Variants in AUTS2 observed in about 807,000 individuals in gnomAD.
AUTS2 encodes the protein activator of transcription and developmental regulator AUTS2.
In AUTS2, 17 loss-of-function variants were observed where a neutral mutation model predicts 112.4. That is an observed-to-expected ratio of 0.15 (90% CI 0.10 to 0.23). AUTS2 has a LOEUF of 0.23. Ranked by LOEUF, AUTS2 falls within the 10% of genes least tolerant of loss-of-function variation. AUTS2 has a pLI of 1.00. For synonymous variants in AUTS2, 751 were observed against 702.7 expected (o/e 1.07, Z -1.09); for missense variants, 1,510 against 1,701.6 (o/e 0.89, Z 1.98).
chr7:69,874,244 G>T (rs1381343766), intron 1 of AUTS2, among the ~76,000 whole-genome samples: 1 of 151,986 alleles, frequency 6.6e-6, no homozygotes, highest in Non-Finnish European at 1.5e-5. Flanking sequence ...AAGAACAAGA[G>T]ACGTGAAGAC....
At chr7:70,203,909 A>G in intron 4 of AUTS2, among the ~76,000 whole-genome samples, 1 of 151,890 alleles carries the variant, frequency 6.6e-6, no homozygotes, top group Non-Finnish European at 1.5e-5. Flanking sequence ...CGTGATCGAG[A>G]ATTATGTTTT....
At chr7:69,926,429 ATCTG>A (rs202099756) in intron 2 of AUTS2, among the ~76,000 whole-genome samples, 3,280 of 139,438 alleles carry the variant, frequency 0.024, 59 homozygotes, top group African/African-American at 0.049. Flanking sequence ...TCTGAAATCT[ATCTG>A]TCTGTCTGTC....
Position 70,784,540 on chromosome 7 carries a change from A to G in AUTS2, c.2147-402A>G, listed in dbSNP as rs1791303712. On this transcript the variant is annotated intron_variant, in intron 15 of 18. Coordinates refer to ENST00000342771, the MANE Select transcript of AUTS2 (RefSeq NM_015570.4). Reference sequence around the variant, plus strand: ...TAATGGCTCTAAGAAGCCCTTCAGTAAAGAAACTTGCTTAGCTTTTTTTAA... The same window carrying G: ...TAATGGCTCTAAGAAGCCCTTCAGTGAAGAAACTTGCTTAGCTTTTTTTAA... 2.3e-5 allele frequency: 4 copies of G among 174,794 alleles called. No homozygotes were observed. In the South Asian group the frequency reaches 5.8e-4, roughly 25 times the overall value. 10.8% of individuals were successfully genotyped at this position (174,794 alleles called of 1,614,324 possible).
At chr7:69,821,916 C>CAAAAAA (rs34912846) in intron 1 of AUTS2, among the ~76,000 whole-genome samples, 27 of 76,794 alleles carry the variant, frequency 3.5e-4, no homozygotes, top group African/African-American at 1.2e-3. Flanking sequence ...ACAGGGTCTC[C>CAAAAAA]AAAAAAAAAA....
intron 1 of AUTS2, among the ~76,000 whole-genome samples, chr7:69,641,872 G>T (rs1485950639): frequency 6.6e-6 from 1 of 152,224 alleles, no homozygotes; most frequent in Non-Finnish European, 1.5e-5. Flanking sequence ...TGAGTTTGAA[G>T]CCCAAGGTCA....
chr7:70,241,547 C>T (rs1455256138), intron 4 of AUTS2, among the ~76,000 whole-genome samples: 1 of 152,046 alleles, frequency 6.6e-6, no homozygotes, highest in Non-Finnish European at 1.5e-5. Context: ...GACTATTACA[C>T]CCTTGGTTTG....
intron 1 of AUTS2, among the ~76,000 whole-genome samples, chr7:69,756,634 TTTC>T (rs1323020153): frequency 1.3e-5 from 2 of 151,970 alleles, no homozygotes; most frequent in African/African-American, 4.8e-5. Context: ...TCTCTTGAAA[TTTC>T]TTTTCTTTGA....
intron 2 of AUTS2, among the ~76,000 whole-genome samples, chr7:70,114,342 A>G (rs1216381022): frequency 3.9e-5 from 6 of 152,144 alleles, no homozygotes; most frequent in Admixed American, 3.9e-4. Flanking sequence ...AAGCAGATCA[A>G]TTTTTCTTAG....
chr7:70,162,478 A>G (rs1260779129), intron 4 of AUTS2, among the ~76,000 whole-genome samples: 1 of 132,358 alleles, frequency 7.6e-6, no homozygotes, highest in South Asian at 2.5e-4. Context: ...AAAAAAAAAA[A>G]AAGAAGTAAA....
chr7:70,402,686 T>C (rs78311694), intron 4 of AUTS2, among the ~76,000 whole-genome samples: 4,741 of 152,302 alleles, frequency 0.031, 114 homozygotes, highest in Middle Eastern at 0.078. Flanking sequence ...TGTTGCTTCT[T>C]AACTGTGTGA....
At chr7:69,768,999 C>A (rs1200451153) in intron 1 of AUTS2, among the ~76,000 whole-genome samples, 1 of 152,166 alleles carries the variant, frequency 6.6e-6, no homozygotes, top group Non-Finnish European at 1.5e-5. Flanking sequence ...ACTCTTTCTC[C>A]CATCCTGTAC....
At chr7:69,958,793 A>G (rs764128556) in intron 2 of AUTS2, among the ~76,000 whole-genome samples, 5 of 152,174 alleles carry the variant, frequency 3.3e-5, no homozygotes, top group Non-Finnish European at 5.9e-5. Flanking sequence ...CTGAGAATGT[A>G]CATTTTTAAC....
intron 1 of AUTS2, among the ~76,000 whole-genome samples, chr7:69,680,284 T>C (rs149111458): frequency 2.7e-3 from 410 of 152,358 alleles, no homozygotes; most frequent in South Asian, 7.2e-3. Flanking sequence ...TTGAGCATTT[T>C]GTTTAGCAGT....
intron 4 of AUTS2, among the ~76,000 whole-genome samples, chr7:70,387,723 A>G (rs1022684817): frequency 2.0e-5 from 3 of 152,220 alleles, no homozygotes; most frequent in East Asian, 1.9e-4. Flanking sequence ...TCATGTATAT[A>G]ATAGCTTTTT....
chr7:70,673,895 G>A (rs1167244851), intron 5 of AUTS2, among the ~76,000 whole-genome samples: 1 of 152,222 alleles, frequency 6.6e-6, no homozygotes, highest in African/African-American at 2.4e-5. Flanking sequence ...CCTACTCTAT[G>A]CCTGCAGGCA....
chr7:69,681,914 C>T (rs912634511), intron 1 of AUTS2, among the ~76,000 whole-genome samples: 5 of 152,126 alleles, frequency 3.3e-5, no homozygotes, highest in African/African-American at 9.7e-5. Context: ...ATCAGTGAGT[C>T]TGAATGCCTG....
At chr7:69,929,912 C>T (rs1036117556) in intron 2 of AUTS2, among the ~76,000 whole-genome samples, 6 of 152,062 alleles carry the variant, frequency 3.9e-5, no homozygotes, top group African/African-American at 1.4e-4. Flanking sequence ...TGAATTTTAC[C>T]TTGTTGGATG....
Position 70,511,561 on chromosome 7 carries a change from CTTTTTTTTTTT to C in AUTS2, c.690+75799_690+75809del, listed in dbSNP as rs3974587. The stretch of plus-strand genomic sequence containing the variant: ...TTCATTTTAAACTTTTTTTCATTTT[CTTTTTTTTTTT>C]TTTTTTTTTTTTTTTTTTATTGAGA... On this transcript the variant is annotated intron_variant, in intron 5 of 18. Coordinates refer to ENST00000342771, the MANE Select transcript of AUTS2 (RefSeq NM_015570.4). Among the ~76,000 whole-genome samples the C allele has an allele frequency of 3.9e-4, 27 of 70,110 alleles. No individual in the cohort carries two copies. The South Asian group carries it at 8.7e-3, about 23-fold the overall frequency. 46.0% of individuals were successfully genotyped at this position (70,110 alleles called of 152,430 possible). A position where few individuals can be genotyped will look rare whatever the true frequency, so the allele number is the denominator to read the frequency against.
intron 2 of AUTS2, among the ~76,000 whole-genome samples, chr7:70,094,134 C>T (rs1003394592): frequency 1.3e-5 from 2 of 152,184 alleles, no homozygotes; most frequent in Non-Finnish European, 2.9e-5. Context: ...CCTATAATAA[C>T]CAACTACGAA....
Sources: allele counts gnomAD v4.1 joint callset (sites outside exome capture counted in the v4.1 genomes callset), GRCh38; gene constraint gnomAD v4.1.1; transcripts MANE v1.5; gene names NCBI Gene and HGNC (gene_info 2026-07-23, HGNC 2026-07-21).